The following SKAP2 variants were observed in gnomAD, a reference collection of about 807,000 sequenced individuals.
SKAP2 encodes src kinase associated phosphoprotein 2.
In SKAP2, 28 loss-of-function variants were observed where a neutral mutation model predicts 54.9. That is an observed-to-expected ratio of 0.51 (90% CI 0.38 to 0.70). SKAP2 has a LOEUF of 0.70. Ranked by LOEUF, SKAP2 falls within the 30% of genes least tolerant of loss-of-function variation. The pLI, the probability that SKAP2 is intolerant of heterozygous loss-of-function variation, is 0.00. For synonymous variants in SKAP2, 137 were observed against 134.3 expected (o/e 1.02, Z -0.14); for missense variants, 356 against 424.1 (o/e 0.84, Z 1.41).
At chr7:26,858,482 T>A (rs916651634) in intron 1 of SKAP2, among the ~76,000 whole-genome samples, 4 of 152,122 alleles carry the variant, frequency 2.6e-5, no homozygotes, top group Admixed American at 2.6e-4. Context: ...AAAACAAAAT[T>A]AAAAGTTGAC....
At chr7:26,734,582 T>C (rs1270671256) in intron 6 of SKAP2, among the ~76,000 whole-genome samples, 1 of 152,160 alleles carries the variant, frequency 6.6e-6, no homozygotes, top group Non-Finnish European at 1.5e-5. Context: ...TTATAAACAA[T>C]AGAAATTTAT....
chr7:26,790,872 G>A (rs1783659288), intron 4 of SKAP2, among the ~76,000 whole-genome samples: 1 of 152,056 alleles, frequency 6.6e-6, no homozygotes, highest in Non-Finnish European at 1.5e-5. Flanking sequence ...AAAAAGTCTT[G>A]AATATAGCAA....
At chr7:26,757,703 C>G (rs1018868951) in intron 4 of SKAP2, among the ~76,000 whole-genome samples, 9 of 152,080 alleles carry the variant, frequency 5.9e-5, no homozygotes, top group African/African-American at 9.7e-5. Flanking sequence ...TTTTCCAATT[C>G]TGTGAAGAAA....
intron 9 of SKAP2, among the ~76,000 whole-genome samples, chr7:26,705,918 T>G (rs768539555): frequency 6.6e-6 from 1 of 152,192 alleles, no homozygotes; most frequent in Non-Finnish European, 1.5e-5. Context: ...ACATACACAC[T>G]TCACAAAAGA....
intron 4 of SKAP2, among the ~76,000 whole-genome samples, chr7:26,757,506 C>G (rs576894029): frequency 4.9e-4 from 75 of 152,164 alleles, no homozygotes; most frequent in African/African-American, 1.8e-3. Context: ...TATTTCTGAG[C>G]GCTCTGTTCT....
intron 4 of SKAP2, among the ~76,000 whole-genome samples, chr7:26,771,689 G>T: frequency 6.6e-6 from 1 of 152,160 alleles, no homozygotes; most frequent in East Asian, 1.9e-4. Context: ...GTTAATAAAT[G>T]TATGAACCTG....
chr7:26,827,153 A>C (rs1033553003), intron 4 of SKAP2, among the ~76,000 whole-genome samples: 5 of 152,208 alleles, frequency 3.3e-5, no homozygotes, highest in African/African-American at 1.2e-4. Flanking sequence ...AGCATGTTCA[A>C]AATAGAAAAG....
At chr7:26,755,627 G>C (rs1782774833) in intron 4 of SKAP2, among the ~76,000 whole-genome samples, 1 of 152,124 alleles carries the variant, frequency 6.6e-6, no homozygotes, top group Admixed American at 6.6e-5. Flanking sequence ...AGTTCCAACA[G>C]CCCAGAGACC....
At chr7:26,844,175 T>C (rs1562632904) in intron 3 of SKAP2, 38 bp from the exon 4 acceptor site, 3 of 1,227,342 alleles carry the variant, frequency 2.4e-6, no homozygotes, top group South Asian at 1.2e-5. Context: ...CTGCCTTTTA[T>C]ACTTTAGCCA....
chr7:26,663,385 T>C (rs1786048300), downstream of SKAP2, among the ~76,000 whole-genome samples: 1 of 152,070 alleles, frequency 6.6e-6, no homozygotes, highest in South Asian at 2.1e-4. Flanking sequence ...CAAAATTATT[T>C]AAAAAGGACT....
chr7:26,827,843 G>C (rs1345626230), intron 4 of SKAP2, among the ~76,000 whole-genome samples: 1 of 152,116 alleles, frequency 6.6e-6, no homozygotes, highest in Non-Finnish European at 1.5e-5. Context: ...GTAACAAATA[G>C]ATCACAAATC....
chr7:26,816,156 T>C (rs567437964), intron 4 of SKAP2, among the ~76,000 whole-genome samples: 1 of 152,276 alleles, frequency 6.6e-6, no homozygotes, highest in Non-Finnish European at 1.5e-5. Flanking sequence ...ATTTCCCACT[T>C]TGTGCTATAT....
intron 9 of SKAP2, among the ~76,000 whole-genome samples, chr7:26,704,013 A>G (rs962401288): frequency 1.3e-5 from 2 of 152,238 alleles, no homozygotes; most frequent in African/African-American, 4.8e-5. Flanking sequence ...ACAGCATTTT[A>G]ACCTATTGTC....
intron 1 of SKAP2, among the ~76,000 whole-genome samples, chr7:26,861,164 T>C (rs1785264421): frequency 6.6e-6 from 1 of 151,758 alleles, no homozygotes; most frequent in Admixed American, 6.6e-5. Context: ...ATTTAAAGGG[T>C]GATTAAACAA....
At chr7:26,856,481 G>A (rs1785166485) in intron 1 of SKAP2, among the ~76,000 whole-genome samples, 1 of 152,152 alleles carries the variant, frequency 6.6e-6, no homozygotes, top group South Asian at 2.1e-4. Context: ...GGGACATAGA[G>A]ACATAATCTA....
At chr7:26,835,501 G>C (rs1183541591) in intron 4 of SKAP2, among the ~76,000 whole-genome samples, 1 of 152,146 alleles carries the variant, frequency 6.6e-6, no homozygotes, top group East Asian at 1.9e-4. Flanking sequence ...CAAAGACTCA[G>C]GATACAAAAT....
At chr7:26,834,995 C>A (rs1049881256) in intron 4 of SKAP2, among the ~76,000 whole-genome samples, 7 of 152,194 alleles carry the variant, frequency 4.6e-5, no homozygotes, top group African/African-American at 1.4e-4. Flanking sequence ...AGCTTATCCA[C>A]CACAATCAAG....
intron 6 of SKAP2, among the ~76,000 whole-genome samples, chr7:26,736,152 T>TG (rs1385975078): frequency 6.6e-6 from 1 of 152,264 alleles, no homozygotes; most frequent in East Asian, 1.9e-4. Context: ...CTTTGACCTA[T>TG]GGGGGCTGCA....
intron 4 of SKAP2, among the ~76,000 whole-genome samples, chr7:26,817,189 C>G (rs917465356): frequency 6.6e-6 from 1 of 152,012 alleles, no homozygotes; most frequent in Non-Finnish European, 1.5e-5. Context: ...AATAACAGAC[C>G]AGCAATGTGT....
Sources: gnomAD v4.1 joint callset for allele counts (sites outside exome capture counted in the v4.1 genomes callset) on GRCh38, gnomAD v4.1.1 for gene constraint, MANE v1.5 for transcripts, NCBI Gene and HGNC (gene_info 2026-07-23, HGNC 2026-07-21) for gene names.